The following RSRC1 variants were observed in gnomAD, a reference collection of about 807,000 sequenced individuals.
RSRC1 encodes arginine and serine rich coiled-coil 1.
A neutral mutation model predicts 49.1 loss-of-function variants in RSRC1; 39 were observed. That is an observed-to-expected ratio of 0.79 (90% CI 0.61 to 1.04). RSRC1 has a LOEUF of 1.04. RSRC1 is among the 50% of genes least tolerant of loss of function. The pLI is 0.00. For synonymous variants in RSRC1, 143 were observed against 130.8 expected, an observed-to-expected ratio of 1.09 and a Z score of -0.63; for missense variants, 388 against 402.4, an observed-to-expected ratio of 0.96 and a Z score of 0.31.
At chr3:158,463,626 C>G (rs1737731882) in intron 7 of RSRC1, among the ~76,000 whole-genome samples, 1 of 152,152 alleles carries the variant, frequency 6.6e-6, no homozygotes, top group Non-Finnish European at 1.5e-5. Context: ...TTTATCCACT[C>G]TCTGTTATCT....
intron 5 of RSRC1, among the ~76,000 whole-genome samples, chr3:158,328,922 G>C (rs1026650325): frequency 1.3e-5 from 2 of 152,172 alleles, no homozygotes; most frequent in Admixed American, 6.5e-5. Flanking sequence ...ATTTCTTGGA[G>C]GCTTTGTTCA....
chr3:158,462,599 AT>A (rs977472048), intron 7 of RSRC1, among the ~76,000 whole-genome samples: 1 of 152,004 alleles, frequency 6.6e-6, no homozygotes, highest in African/African-American at 2.4e-5. Flanking sequence ...TATGAAAAAA[AT>A]AATATGAATG....
At chr3:158,489,109 T>C (rs1269335741) in intron 7 of RSRC1, among the ~76,000 whole-genome samples, 1 of 152,224 alleles carries the variant, frequency 6.6e-6, no homozygotes, top group Non-Finnish European at 1.5e-5. Flanking sequence ...ATTATTTTCA[T>C]TTTACCACTT....
rs979558843 is a variant in RSRC1 at position 158,489,009 on chromosome 3, T to C, written c.652+28006T>C. On this transcript the variant is annotated intron_variant, in intron 7 of 9. Transcript: ENST00000611884. ...TACTGAAGTTGTGTTGTAATAGCACTAACCTGAACTCACATTTTTAAGTCT... is the reference window on the plus strand; with the variant it reads ...TACTGAAGTTGTGTTGTAATAGCACCAACCTGAACTCACATTTTTAAGTCT... Among the ~76,000 whole-genome samples, 5 of 152,312 alleles carry C rather than the reference T, an allele frequency of 3.3e-5. No homozygotes were observed. In the South Asian group the frequency reaches 1.0e-3, roughly 32 times the overall value.
chr3:158,168,460 G>A (rs1236056134), intron 3 of RSRC1, among the ~76,000 whole-genome samples: 1 of 152,174 alleles, frequency 6.6e-6, no homozygotes, highest in Non-Finnish European at 1.5e-5. Flanking sequence ...CGTACCAATA[G>A]GAGAACAAGA....
At chr3:158,196,521 G>T (rs1403944914) in intron 3 of RSRC1, among the ~76,000 whole-genome samples, 1 of 152,048 alleles carries the variant, frequency 6.6e-6, no homozygotes, top group Non-Finnish European at 1.5e-5. Context: ...GCCCTGGCCA[G>T]AACTTCTAAC....
At chr3:158,233,266 G>C (rs1434857120) in intron 4 of RSRC1, among the ~76,000 whole-genome samples, 1 of 152,074 alleles carries the variant, frequency 6.6e-6, no homozygotes, top group Non-Finnish European at 1.5e-5. Context: ...GTGGGCCAAA[G>C]CCGTCTATAT....
Position 158,539,274 on chromosome 3 carries a change from C to T in RSRC1, c.759+2076C>T, listed in dbSNP as rs961642640. On this transcript the variant is annotated intron_variant, in intron 8 of 9. Coordinates refer to ENST00000611884, the MANE Select transcript of RSRC1 (RefSeq NM_001271838.2). The surrounding 1 kb of genome is among the most constrained non-coding windows in gnomAD (Gnocchi z 4.1). Reference sequence around the variant, plus strand: ...TATTTGTTTAGCTGTGTTAATTCCACTAATTAAGCTAGGGAGCTTTTACCA... The same window carrying T: ...TATTTGTTTAGCTGTGTTAATTCCATTAATTAAGCTAGGGAGCTTTTACCA... Among the ~76,000 whole-genome samples the T allele has an allele frequency of 3.9e-5, 6 of 152,030 alleles. No homozygotes were observed. The highest frequency in any genetic ancestry group is 1.4e-4 in the African/African-American group (6 of 41,422).
chr3:158,144,287 C>G (rs1272409331), intron 3 of RSRC1, among the ~76,000 whole-genome samples: 3 of 152,122 alleles, frequency 2.0e-5, no homozygotes, highest in Non-Finnish European at 2.9e-5. Flanking sequence ...CTCCCCCCTC[C>G]TCCCACCCCT....
intron 5 of RSRC1, among the ~76,000 whole-genome samples, chr3:158,350,094 TTTAA>T (rs1322748285): frequency 6.6e-6 from 1 of 151,566 alleles, no homozygotes; most frequent in African/African-American, 2.4e-5. Flanking sequence ...TGTGATATTC[TTTAA>T]TTATGTACTG....
chr3:158,161,232 T>C (rs2108225518), intron 3 of RSRC1, among the ~76,000 whole-genome samples: 1 of 152,300 alleles, frequency 6.6e-6, no homozygotes, highest in South Asian at 2.1e-4. Context: ...TGATCTATGC[T>C]GGGCTCCTTG....
intron 6 of RSRC1, among the ~76,000 whole-genome samples, chr3:158,404,777 C>G (rs991014588): frequency 6.6e-6 from 1 of 151,906 alleles, no homozygotes; most frequent in African/African-American, 2.4e-5. Flanking sequence ...ATTTTAGTTC[C>G]TTATTCTTCA....
Position 158,418,651 on chromosome 3 carries a change from G to A in RSRC1, c.584-42284G>A, listed in dbSNP as rs75011155. Among the ~76,000 whole-genome samples, 845 of 151,980 alleles carry A rather than the reference G, an allele frequency of 5.6e-3. 28 individuals carry two copies. In the East Asian group the frequency reaches 0.08, roughly 14 times the overall value. The stretch of plus-strand genomic sequence containing the variant: ...AAGGTAGGCCAAGAAGGGATATACC[G>A]GAATTTTTCTCAAGAATCATTGCTG... On this transcript the variant is annotated intron_variant, in intron 6 of 9. Transcript: ENST00000611884.
In RSRC1 at chr3:158,226,589, A is replaced by G. The variant is rs185421632; in HGVS notation, c.494+23344A>G. Among the ~76,000 whole-genome samples the G allele has an allele frequency of 3.3e-5, 5 of 152,022 alleles. No homozygotes were observed. The East Asian group carries it at 9.7e-4, about 29-fold the overall frequency. ...AATCTGTGTGCCCTGTGTCTAGTGT[A>G]ATATAATGTTATTTGCACTTTTGTC... On this transcript the variant is annotated intron_variant, in intron 4 of 9. Coordinates refer to ENST00000611884, the MANE Select transcript of RSRC1 (RefSeq NM_001271838.2).
intron 3 of RSRC1, among the ~76,000 whole-genome samples, chr3:158,136,306 A>G (rs543129671): frequency 1.3e-3 from 197 of 152,298 alleles, no homozygotes; most frequent in Non-Finnish European, 2.4e-3. Flanking sequence ...TTTTTAAAAA[A>G]CTAATTAGAT....
intron 3 of RSRC1, among the ~76,000 whole-genome samples, chr3:158,178,128 T>G (rs892764758): frequency 2.6e-5 from 4 of 152,198 alleles, no homozygotes; most frequent in African/African-American, 9.7e-5. Flanking sequence ...TTTGTTTGTT[T>G]GTTTTTTGTT....
At chr3:158,219,105 T>C (rs137880409) in intron 4 of RSRC1, among the ~76,000 whole-genome samples, 18 of 151,628 alleles carry the variant, frequency 1.2e-4, no homozygotes, top group Non-Finnish European at 2.5e-4. Flanking sequence ...TCTGGAAGAA[T>C]ATGGAAGAGG....
At chr3:158,265,748 C>T (rs1017348945) in intron 4 of RSRC1, among the ~76,000 whole-genome samples, 2 of 152,092 alleles carry the variant, frequency 1.3e-5, no homozygotes, top group Admixed American at 6.5e-5. Context: ...TGATAAATTG[C>T]AATTTATCAG....
chr3:158,413,343 ATGGAT>A (rs1184200594), intron 6 of RSRC1, among the ~76,000 whole-genome samples: 1 of 152,220 alleles, frequency 6.6e-6, no homozygotes, highest in Non-Finnish European at 1.5e-5. Flanking sequence ...TTAACTCAAG[ATGGAT>A]TGAAGACTTA....
Sources: allele counts gnomAD v4.1 joint callset (sites outside exome capture counted in the v4.1 genomes callset), GRCh38; gene constraint gnomAD v4.1.1; non-coding constraint Gnocchi (gnomAD v3.1); transcripts MANE v1.5; gene names NCBI Gene and HGNC (gene_info 2026-07-23, HGNC 2026-07-21).